Variants in DIS3L2 observed in about 807,000 individuals in gnomAD.
DIS3L2 encodes DIS3-like exonuclease 2.
Under a neutral mutation model 97.5 loss-of-function variants are expected in DIS3L2, and 34 were observed. The observed-to-expected ratio is 0.35, with a 90% CI of 0.27 to 0.46. The LOEUF (loss-of-function observed/expected upper bound fraction) is 0.46. DIS3L2 is among the 20% of genes least tolerant of loss of function. The pLI, the probability that DIS3L2 is intolerant of heterozygous loss-of-function variation, is 1.00. For synonymous variants in DIS3L2, 435 were observed against 445.2 expected (o/e 0.98, Z 0.29); for missense variants, 1,038 against 1,146.0 (o/e 0.91, Z 1.36).
chr2:232,329,785 T>TCCCCGGCCCCC, intron 14 of DIS3L2, 28 bp from the exon 15 acceptor site: 1 of 967,144 alleles, frequency 1.0e-6, no homozygotes, highest in Non-Finnish European at 1.5e-6. Flanking sequence ...ACCCCAGCGG[T>TCCCCGGCCCCC]CCCTCCCATC....
chr2:232,329,457 T>G (rs1174142870), intron 14 of DIS3L2: 1 of 238,630 alleles, frequency 4.2e-6, no homozygotes, highest in African/African-American at 2.2e-5. Flanking sequence ...AGCAGAGATC[T>G]TTCCTCGGTG....
chr2:232,315,206 G>A (rs1018976637), intron 14 of DIS3L2, among the ~76,000 whole-genome samples: 19 of 152,168 alleles, frequency 1.2e-4, no homozygotes, highest in African/African-American at 4.6e-4. Flanking sequence ...AGCGCCTCCA[G>A]CCCTCCCCAC....
At chr2:232,097,067 G>A (rs1056138366) in intron 6 of DIS3L2, among the ~76,000 whole-genome samples, 1 of 152,170 alleles carries the variant, frequency 6.6e-6, no homozygotes, top group African/African-American at 2.4e-5. Context: ...TTCTTGGGAA[G>A]GCTTTCCAGG....
At position 232,288,785 on chromosome 2, in the gene DIS3L2, C is replaced by G. The variant is rs1271899216; in HGVS notation, c.1660-11255C>G. ...ATTGTTTCATCAGTCTGTGTTTAAA[C>G]TTGCCTGGATCTCATATTTTTATGT... On this transcript the variant is annotated intron_variant, in intron 13 of 20. Coordinates refer to ENST00000325385, the MANE Select transcript of DIS3L2 (RefSeq NM_152383.5). 2.6e-5 allele frequency among the ~76,000 whole-genome samples: 4 copies of G among 152,308 alleles called. No individual in the cohort carries two copies. The East Asian group carries it at 7.7e-4, about 29-fold the overall frequency.
chr2:232,086,359 G>GTGTATATGTATA (rs59054040), intron 5 of DIS3L2, among the ~76,000 whole-genome samples: 3,933 of 138,184 alleles, frequency 0.028, 78 homozygotes, highest in Non-Finnish European at 0.043. Flanking sequence ...GTATATATAT[G>GTGTATATGTATA]TGTATATGTA....
chr2:232,088,701 C>T (rs775738902), intron 6 of DIS3L2, among the ~76,000 whole-genome samples: 15 of 152,078 alleles, frequency 9.9e-5, no homozygotes, highest in South Asian at 2.1e-4. Flanking sequence ...AAATCTAAGC[C>T]ATGGGCCCTC....
At chr2:232,059,389 G>T (rs997970613) in intron 5 of DIS3L2, among the ~76,000 whole-genome samples, 17 of 152,176 alleles carry the variant, frequency 1.1e-4, no homozygotes, top group Non-Finnish European at 1.5e-5. Flanking sequence ...CTCGCCATTG[G>T]CTTAACTATC....
At position 232,263,448 on chromosome 2, in the gene DIS3L2, C is replaced by A; in HGVS notation, c.1659+8C>A. ...GCACTTCGTTTGGATCAGGTCAGTACGTGTTTTTTTAGTGTAGCCAACAGA... is the reference window on the plus strand; with the variant it reads ...GCACTTCGTTTGGATCAGGTCAGTAAGTGTTTTTTTAGTGTAGCCAACAGA... On this transcript the variant is annotated splice_region_variant and intron_variant, in intron 13 of 20. Coordinates refer to ENST00000325385, the MANE Select transcript of DIS3L2 (RefSeq NM_152383.5). 2 of 1,613,950 alleles carry A rather than the reference C, an allele frequency of 1.2e-6. No individual in the cohort carries two copies. The highest frequency in any genetic ancestry group is 1.7e-6 in the Non-Finnish European group (2 of 1,179,878).
intron 5 of DIS3L2, among the ~76,000 whole-genome samples, chr2:232,048,142 G>A (rs1695293998): frequency 6.6e-6 from 1 of 152,148 alleles, no homozygotes; most frequent in Admixed American, 6.5e-5. Context: ...TTAAAATATA[G>A]ATCACTAAAA....
chr2:232,258,786 G>C (rs1311538526), intron 12 of DIS3L2, among the ~76,000 whole-genome samples: 1 of 152,156 alleles, frequency 6.6e-6, no homozygotes, highest in Non-Finnish European at 1.5e-5. Context: ...GGAAAGTAAT[G>C]AGGTGTTCCA....
At chr2:232,105,587 C>T (rs1379280629) in intron 6 of DIS3L2, among the ~76,000 whole-genome samples, 1 of 152,096 alleles carries the variant, frequency 6.6e-6, no homozygotes, top group Non-Finnish European at 1.5e-5. Context: ...ACCTAGGCAG[C>T]TTGGGTTTCA....
rs201299947 is a variant in DIS3L2 at position 232,086,304 on chromosome 2, CATATGT to C, written c.367-1171_367-1166del. Reference sequence around the variant, plus strand: ...ATACGTATATATGTATACATATATACATATGTATATGTATATGCATATGCATATGTA... The same window carrying C: ...ATACGTATATATGTATACATATATACATATGTATATGCATATGCATATGTA... On this transcript the variant is annotated intron_variant, in intron 5 of 20. Transcript: ENST00000325385. Among the ~76,000 whole-genome samples, 834 of 144,412 alleles carry C rather than the reference CATATGT, an allele frequency of 5.8e-3. 13 individuals carry two copies. The highest frequency in any genetic ancestry group is 0.02 in the African/African-American group (785 of 39,064). 94.7% of individuals were successfully genotyped at this position (144,412 alleles called of 152,430 possible). A position where few individuals can be genotyped will look rare whatever the true frequency, so the allele number is the denominator to read the frequency against.
At chr2:232,145,983 G>C (rs1037641529) in intron 8 of DIS3L2, among the ~76,000 whole-genome samples, 2 of 152,152 alleles carry the variant, frequency 1.3e-5, no homozygotes, top group Non-Finnish European at 2.9e-5. Context: ...CAAGAAAGAG[G>C]ATATAACCAA....
intron 1 of DIS3L2, among the ~76,000 whole-genome samples, chr2:231,965,124 T>C (rs1692674964): frequency 6.6e-6 from 1 of 152,254 alleles, no homozygotes; most frequent in Admixed American, 6.5e-5. Flanking sequence ...AGTTACTAGC[T>C]GAGGGCTTTG....
rs752191280 is a variant in DIS3L2 at position 232,130,730 on chromosome 2, A to G, written c.702+11A>G. On this transcript the variant is annotated intron_variant, in intron 7 of 20. Coordinates refer to ENST00000325385, the MANE Select transcript of DIS3L2 (RefSeq NM_152383.5). ...CAAAGATCAGCAAAGGTCATTGCCT[A>G]CAGATTTTCTCCACGTGTCCAAATG... 3.3e-5 allele frequency: 53 copies of G among 1,613,198 alleles called. No individual in the cohort carries two copies. Among genetic ancestry groups the G allele is most frequent in the East Asian group, 4.5e-5 (2 of 44,834 alleles).
At chr2:232,335,926 G>T (rs1323970122) in intron 20 of DIS3L2, 52 bp downstream of exon 20, 2 of 1,548,162 alleles carry the variant, frequency 1.3e-6, no homozygotes, top group Non-Finnish European at 1.7e-6. Flanking sequence ...CCCCTCTCCT[G>T]CCTCCTGCGG....
intron 12 of DIS3L2, among the ~76,000 whole-genome samples, chr2:232,255,840 G>T (rs951938983): frequency 1.3e-5 from 2 of 152,130 alleles, no homozygotes; most frequent in African/African-American, 4.8e-5. Context: ...AAAACCACGG[G>T]GTCATTCTTG....
chr2:232,326,524 C>T (rs1695582411), intron 14 of DIS3L2, among the ~76,000 whole-genome samples: 1 of 152,198 alleles, frequency 6.6e-6, no homozygotes, highest in East Asian at 1.9e-4. Context: ...CCTACCTGTT[C>T]ACTCTGCCCC....
chr2:232,017,953 C>T (rs1053488153), intron 3 of DIS3L2, among the ~76,000 whole-genome samples: 4 of 152,156 alleles, frequency 2.6e-5, no homozygotes, highest in Non-Finnish European at 5.9e-5. Context: ...TCCTTGATGG[C>T]AGGGTCATGT....
Sources: allele counts gnomAD v4.1 joint callset (sites outside exome capture counted in the v4.1 genomes callset), GRCh38; gene constraint gnomAD v4.1.1; transcripts MANE v1.5; gene names NCBI Gene and HGNC (gene_info 2026-07-23, HGNC 2026-07-21).